The following GABRG2 variants were observed in gnomAD, a reference collection of about 807,000 sequenced individuals.
GABRG2 encodes gamma-aminobutyric acid type A receptor subunit gamma2, also known as gamma-aminobutyric acid receptor subunit gamma-2.
Under a neutral mutation model 56.4 loss-of-function variants are expected in GABRG2, and 16 were observed. That is an observed-to-expected ratio of 0.28 (90% CI 0.19 to 0.43). The LOEUF is 0.43. Among genes scored for constraint, GABRG2 ranks in the 20% least tolerant of loss-of-function variants. The pLI is 1.00. For synonymous variants in GABRG2, 208 were observed against 205.5 expected (o/e 1.01, Z -0.10); for missense variants, 327 against 582.7 (o/e 0.56, Z 4.52).
At position 162,103,870 on chromosome 5, in the gene GABRG2, C is replaced by T; in HGVS notation, c.632-19C>T. The stretch of plus-strand genomic sequence containing the variant: ...AATTTATAATCATTTTTAATGTGAG[C>T]TTTCCTATCTCACGGCAGATGGCTA... On this transcript the variant is annotated intron_variant, in intron 5 of 9. Coordinates refer to ENST00000639213, the MANE Select transcript of GABRG2 (RefSeq NM_198904.4). 2 of 1,613,418 alleles carry T rather than the reference C, an allele frequency of 1.2e-6. No homozygotes were observed. Among genetic ancestry groups the T allele is most frequent in the East Asian group, 2.2e-5 (1 of 44,792 alleles).
At chr5:162,152,400 T>G in intron 9 of GABRG2, 1 of 444,162 alleles carries the variant, frequency 2.3e-6, no homozygotes, top group Non-Finnish European at 4.4e-6. Context: ...ATATATCATT[T>G]AGTTGCATAG....
intron 6 of GABRG2, among the ~76,000 whole-genome samples, chr5:162,105,596 A>T (rs1761753257): frequency 1.3e-5 from 2 of 151,218 alleles, no homozygotes; most frequent in South Asian, 4.2e-4. Context: ...CGCCTGGCTA[A>T]TTTTTTGTAT....
intron 3 of GABRG2, 71 bp downstream of exon 3, chr5:162,095,633 T>C: frequency 8.8e-7 from 1 of 1,138,358 alleles, no homozygotes; most frequent in South Asian, 1.3e-5. Flanking sequence ...GTCATGGAAA[T>C]AGCAAAAGAC....
intron 1 of GABRG2, among the ~76,000 whole-genome samples, chr5:162,078,715 A>T (rs941351758): frequency 2.0e-5 from 3 of 151,538 alleles, no homozygotes; most frequent in East Asian, 1.9e-4. Flanking sequence ...ACCCCGACCT[A>T]TTATTTTTTA....
chr5:162,120,917 T>C (rs186442171), intron 6 of GABRG2, among the ~76,000 whole-genome samples: 1 of 152,274 alleles, frequency 6.6e-6, no homozygotes, highest in East Asian at 1.9e-4. Flanking sequence ...AATTAGATAC[T>C]TTGTTCATTA....
chr5:162,118,422 C>G (rs1180268336), intron 6 of GABRG2, among the ~76,000 whole-genome samples: 1 of 151,978 alleles, frequency 6.6e-6, no homozygotes, highest in Non-Finnish European at 1.5e-5. Context: ...GTATCTTGAT[C>G]AAGGACATTT....
At chr5:162,091,713 T>C (rs1388171914) in intron 1 of GABRG2, among the ~76,000 whole-genome samples, 1 of 152,162 alleles carries the variant, frequency 6.6e-6, no homozygotes, top group African/African-American at 2.4e-5. Context: ...TCTAAAAAAG[T>C]ATCCCTTATC....
At chr5:162,103,672 G>A in intron 5 of GABRG2, 1 of 582,260 alleles carries the variant, frequency 1.7e-6, no homozygotes, top group Non-Finnish European at 3.0e-6. Context: ...ATTTTCAAGA[G>A]TAAATTTGAC....
chr5:162,120,826 A>G (rs909521848), intron 6 of GABRG2, among the ~76,000 whole-genome samples: 8 of 152,160 alleles, frequency 5.3e-5, no homozygotes, highest in African/African-American at 1.9e-4. Context: ...CAAGAAGAGA[A>G]CTAGCCAGTT....
At chr5:162,111,649 C>G (rs1375573640) in intron 6 of GABRG2, among the ~76,000 whole-genome samples, 1 of 152,106 alleles carries the variant, frequency 6.6e-6, no homozygotes, top group African/African-American at 2.4e-5. Context: ...TTTTATTTCT[C>G]ACAAGAAGCT....
Position 162,153,513 on chromosome 5 carries a change from T to C in GABRG2, c.*145T>C, listed in dbSNP as rs1412760271. ...TCCAAACCTGGTAAATTTTATAATGTCATATTGTTTGTGCCCAGCCCTCCT... is the reference window on the plus strand; with the variant it reads ...TCCAAACCTGGTAAATTTTATAATGCCATATTGTTTGTGCCCAGCCCTCCT... On this transcript the variant is annotated 3_prime_UTR_variant, in exon 10 of 10. Transcript: ENST00000639213. The C allele has an allele frequency of 9.8e-7, 1 of 1,023,696 alleles. No homozygotes were observed. Among genetic ancestry groups the C allele is most frequent in the Non-Finnish European group, 1.5e-6 (1 of 666,078 alleles). The allele number at this position is 1,023,696 out of a possible 1,614,324, so 63.4% of individuals were successfully genotyped here.
At chr5:162,070,556 T>C (rs975230000) in intron 1 of GABRG2, among the ~76,000 whole-genome samples, 3 of 152,002 alleles carry the variant, frequency 2.0e-5, no homozygotes, top group African/African-American at 7.2e-5. Flanking sequence ...AAATTGGTTT[T>C]TTATTTATGT....
chr5:162,089,614 G>A lies in GABRG2; in HGVS notation c.108-4214G>A, dbSNP rs921628131. ...AAAATATTAGTGACACCAATGTTAT[G>A]AAAGGAAACATTAAAAATATAAAAA... On this transcript the variant is annotated intron_variant, in intron 1 of 9. Coordinates refer to ENST00000639213, the MANE Select transcript of GABRG2 (RefSeq NM_198904.4). 3.9e-5 allele frequency among the ~76,000 whole-genome samples: 6 copies of A among 152,040 alleles called. No homozygotes were observed. In the East Asian group the frequency reaches 1.2e-3, roughly 29 times the overall value.
chr5:162,107,642 A>C, intron 6 of GABRG2, among the ~76,000 whole-genome samples: 1 of 152,196 alleles, frequency 6.6e-6, no homozygotes, highest in East Asian at 1.9e-4. Flanking sequence ...TTTGAAGAAT[A>C]TTTTTAATTC....
intron 7 of GABRG2, among the ~76,000 whole-genome samples, chr5:162,143,399 A>G (rs1394282988): frequency 6.6e-6 from 1 of 152,220 alleles, no homozygotes; most frequent in Non-Finnish European, 1.5e-5. Flanking sequence ...CAATTTGCTC[A>G]ATCTAATATA....
intron 1 of GABRG2, among the ~76,000 whole-genome samples, chr5:162,078,369 CTATATATATATATATATA>C (rs774147866): frequency 1.9e-5 from 1 of 53,876 alleles, no homozygotes; most frequent in African/African-American, 8.1e-5. Flanking sequence ...GAGCATCTTA[CTATATATATATATATATA>C]TATATATATA....
At chr5:162,125,376 A>G (rs1044676378) in intron 6 of GABRG2, among the ~76,000 whole-genome samples, 2 of 151,696 alleles carry the variant, frequency 1.3e-5, no homozygotes, top group Non-Finnish European at 2.9e-5. Context: ...TTAAAATTTT[A>G]TCATGAAATA....
intron 6 of GABRG2, among the ~76,000 whole-genome samples, chr5:162,128,561 A>C (rs964511300): frequency 3.9e-5 from 6 of 151,964 alleles, no homozygotes; most frequent in African/African-American, 1.4e-4. Context: ...AGCTTTCAGC[A>C]GGCAGATAAT....
intron 6 of GABRG2, among the ~76,000 whole-genome samples, chr5:162,110,931 G>T (rs1261423181): frequency 6.6e-6 from 1 of 152,094 alleles, no homozygotes; most frequent in Non-Finnish European, 1.5e-5. Flanking sequence ...TGTAAATAGA[G>T]CTGGGCCTAG....
Sources: allele counts gnomAD v4.1 joint callset (sites outside exome capture counted in the v4.1 genomes callset), GRCh38; gene constraint gnomAD v4.1.1; transcripts MANE v1.5; gene names NCBI Gene and HGNC (gene_info 2026-07-23, HGNC 2026-07-21).